The following RBFOX1 variants were observed in gnomAD, a reference collection of about 807,000 sequenced individuals.
The protein encoded by RBFOX1 is RNA binding protein fox-1 homolog 1.
Under a neutral mutation model 57.7 loss-of-function variants are expected in RBFOX1, and 8 were observed. The ratio of observed to expected loss-of-function variants is 0.14; its 90% CI spans 0.08 to 0.25. RBFOX1 has a LOEUF of 0.25. Ranked by LOEUF, RBFOX1 falls within the 10% of genes least tolerant of loss-of-function variation. The probability of loss-of-function intolerance (pLI) is 1.00; values close to 1 mark genes in which losing one functional copy is unlikely to be tolerated. For synonymous variants in RBFOX1, 326 were observed against 222.4 expected, an observed-to-expected ratio of 1.47 and a Z score of -4.15; for missense variants, 611 against 548.5, an observed-to-expected ratio of 1.11 and a Z score of -1.14.
chr16:6,290,734 C>G (rs918845119), intron 1 of RBFOX1, among the ~76,000 whole-genome samples: 1 of 152,098 alleles, frequency 6.6e-6, no homozygotes, highest in African/African-American at 2.4e-5. Flanking sequence ...GTAAAATGCA[C>G]AGTTTCAAAT....
intron 4 of RBFOX1, among the ~76,000 whole-genome samples, chr16:5,936,393 G>A (rs945864936): frequency 6.6e-6 from 1 of 152,144 alleles, no homozygotes; most frequent in African/African-American, 2.4e-5. Context: ...CACAGTGCTG[G>A]GATTACAAGT....
At chr16:7,041,082 A>ATTTTTTTTTTTT (rs61569211) in intron 3 of RBFOX1, among the ~76,000 whole-genome samples, 271 of 109,306 alleles carry the variant, frequency 2.5e-3, no homozygotes, top group Non-Finnish European at 3.3e-3. Flanking sequence ...CGCCCAGCTA[A>ATTTTTTTTTTTT]TTTTTTTTTT....
At chr16:5,671,243 A>G (rs2050003963) in intron 3 of RBFOX1, among the ~76,000 whole-genome samples, 1 of 152,238 alleles carries the variant, frequency 6.6e-6, no homozygotes, top group Non-Finnish European at 1.5e-5. Context: ...AAGAGAATAA[A>G]AGAGCTGGGA....
intron 1 of RBFOX1, among the ~76,000 whole-genome samples, chr16:5,244,643 C>T (rs946890779): frequency 1.1e-4 from 16 of 152,234 alleles, no homozygotes; most frequent in African/African-American, 2.7e-4. Flanking sequence ...CATGGCAACC[C>T]GCTGGAACGC....
At chr16:6,164,723 C>T (rs1259665020) in intron 1 of RBFOX1, among the ~76,000 whole-genome samples, 1 of 151,544 alleles carries the variant, frequency 6.6e-6, no homozygotes, top group Non-Finnish European at 1.5e-5. Context: ...GGTGATCCAC[C>T]CCCCTTGGCC....
intron 2 of RBFOX1, among the ~76,000 whole-genome samples, chr16:5,501,318 C>CAAAAAAAAAAAAAAAAAAAA (rs1160788118): frequency 2.3e-4 from 15 of 64,884 alleles, no homozygotes; most frequent in African/African-American, 3.3e-4. Context: ...ACTCTGTCTA[C>CAAAAAAAAAAAAAAAAAAAA]AAAAAAAAAA....
chr16:7,707,557 A>G (rs1032104118), intron 14 of RBFOX1, among the ~76,000 whole-genome samples: 23 of 152,108 alleles, frequency 1.5e-4, no homozygotes, highest in African/African-American at 5.3e-4. Context: ...GATCCCAGTG[A>G]GTGTCTGATG....
At chr16:6,894,986 C>T (rs561377918) in intron 3 of RBFOX1, among the ~76,000 whole-genome samples, 1 of 152,254 alleles carries the variant, frequency 6.6e-6, no homozygotes, top group African/African-American at 2.4e-5. Flanking sequence ...CTAACAGAGA[C>T]TCTGAAAATT....
chr16:7,005,313 C>T (rs1350288010), intron 3 of RBFOX1, among the ~76,000 whole-genome samples: 2 of 152,132 alleles, frequency 1.3e-5, no homozygotes, highest in Non-Finnish European at 2.9e-5. Flanking sequence ...TCCTCCCTTT[C>T]AATGAGACTG....
chr16:6,540,670 G>C (rs1028020309), intron 2 of RBFOX1, among the ~76,000 whole-genome samples: 2 of 137,626 alleles, frequency 1.5e-5, no homozygotes, highest in Non-Finnish European at 3.1e-5. Flanking sequence ...GACGTTTCAA[G>C]AATGCCTAAT....
chr16:7,361,099 G>T (rs898057706), intron 4 of RBFOX1, among the ~76,000 whole-genome samples: 8 of 152,114 alleles, frequency 5.3e-5, no homozygotes, highest in African/African-American at 1.9e-4. Context: ...CATTGTTGAA[G>T]ACCACAAGCC....
At chr16:7,030,688 C>G (rs981752592) in intron 3 of RBFOX1, among the ~76,000 whole-genome samples, 5 of 152,182 alleles carry the variant, frequency 3.3e-5, no homozygotes, top group Admixed American at 3.3e-4. Flanking sequence ...TCTGTAAAGA[C>G]TGTATTTCCA....
chr16:5,492,587 A>C (rs11641547), intron 2 of RBFOX1, among the ~76,000 whole-genome samples: 1,731 of 152,356 alleles, frequency 0.011, 15 homozygotes, highest in Non-Finnish European at 0.018. Flanking sequence ...CAGTGTGTAC[A>C]AAGGTCCTGT....
At chr16:5,448,365 G>A (rs749047318) in intron 1 of RBFOX1, among the ~76,000 whole-genome samples, 23 of 152,078 alleles carry the variant, frequency 1.5e-4, no homozygotes, top group Non-Finnish European at 3.1e-4. Context: ...CAAAAAAACT[G>A]GAATAAGGTA....
chr16:6,097,865 G>T lies in RBFOX1; in HGVS notation c.-127+77873G>T, dbSNP rs1037211214. On this transcript the variant is annotated intron_variant, in intron 1 of 15. Transcript: ENST00000550418. This position sits in a 1 kb window ranked among gnomAD's most constrained non-coding sequence, Gnocchi z 5.0. The stretch of plus-strand genomic sequence containing the variant: ...TCCCTTGGAAGTGGGGGACGTGTCT[G>T]ATTTGTGCATGGCTATTTTGCGATT... 2.8e-4 allele frequency among the ~76,000 whole-genome samples: 42 copies of T among 151,928 alleles called. No homozygotes were observed. The highest frequency in any genetic ancestry group is 9.9e-4 in the African/African-American group (41 of 41,348).
At chr16:5,720,374 G>A (rs2051883386) in intron 3 of RBFOX1, among the ~76,000 whole-genome samples, 1 of 152,182 alleles carries the variant, frequency 6.6e-6, no homozygotes, top group African/African-American at 2.4e-5. Flanking sequence ...TACAGGTTGT[G>A]TTTGCCATTG....
intron 4 of RBFOX1, among the ~76,000 whole-genome samples, chr16:7,227,126 T>C (rs923837027): frequency 6.6e-6 from 1 of 152,126 alleles, no homozygotes; most frequent in Non-Finnish European, 1.5e-5. Context: ...GATATTTGAG[T>C]TTGAAAATCC....
chr16:6,879,249 T>G (rs1394827798), intron 3 of RBFOX1, among the ~76,000 whole-genome samples: 1 of 152,166 alleles, frequency 6.6e-6, no homozygotes, highest in Admixed American at 6.6e-5. Flanking sequence ...GGAATTGGCT[T>G]TCAGTGAATT....
At chr16:6,667,670 C>T (rs1384091335) in intron 3 of RBFOX1, among the ~76,000 whole-genome samples, 3 of 151,898 alleles carry the variant, frequency 2.0e-5, no homozygotes, top group African/African-American at 7.3e-5. Context: ...TACTTGAGCT[C>T]GGGAGTTTGA....
Sources: gnomAD v4.1 joint callset for allele counts (sites outside exome capture counted in the v4.1 genomes callset) on GRCh38, gnomAD v4.1.1 for gene constraint, Gnocchi (gnomAD v3.1) non-coding constraint, MANE v1.5 for transcripts, NCBI Gene and HGNC (gene_info 2026-07-23, HGNC 2026-07-21) for gene names.